The following TNS3 variants were observed in gnomAD, a reference collection of about 807,000 sequenced individuals.
TNS3 encodes tensin 3, also known as tensin-3.
A neutral mutation model predicts 140.9 loss-of-function variants in TNS3; 45 were observed. The ratio of observed to expected loss-of-function variants is 0.32; its 90% CI spans 0.25 to 0.41. TNS3 has a LOEUF of 0.41. Ranked by LOEUF, TNS3 falls within the 10% of genes least tolerant of loss-of-function variation. The probability of loss-of-function intolerance (pLI) is 1.00; values close to 1 mark genes in which losing one functional copy is unlikely to be tolerated. For missense variants in TNS3, 1,716 were observed against 1,906.7 expected (o/e 0.90, Z 1.86); for synonymous variants, 815 against 788.4 (o/e 1.03, Z -0.56).
intron 2 of TNS3, among the ~76,000 whole-genome samples, chr7:47,513,079 T>C (rs976980605): frequency 1.3e-5 from 2 of 152,250 alleles, no homozygotes; most frequent in African/African-American, 4.8e-5. Context: ...AAGTTCTGCC[T>C]AATATCACAG....
chr7:47,294,459 T>G (rs1294519161), intron 24 of TNS3, among the ~76,000 whole-genome samples: 1 of 151,926 alleles, frequency 6.6e-6, no homozygotes, highest in South Asian at 2.1e-4. Context: ...TATCTGAGAG[T>G]GGAAAAGTAC....
intron 10 of TNS3, among the ~76,000 whole-genome samples, chr7:47,417,489 C>CT (rs1217957339): frequency 6.6e-6 from 1 of 152,250 alleles, no homozygotes; most frequent in Non-Finnish European, 1.5e-5. Flanking sequence ...GAGGCTGTCA[C>CT]TGCCTGGGAC....
intron 3 of TNS3, among the ~76,000 whole-genome samples, chr7:47,506,366 T>G (rs1798418158): frequency 6.6e-6 from 1 of 152,110 alleles, no homozygotes; most frequent in Non-Finnish European, 1.5e-5. Context: ...CAACAGGACA[T>G]AGCCAGGCCT....
rs774801067 is a variant in TNS3, at chr7:47,404,937, T to TGGACA, written c.724-4028_724-4024dup. On this transcript the variant is annotated intron_variant, in intron 13 of 30. Transcript: ENST00000311160. ...AATATGCCTGTGCCCTTGACTGGACTGGACAAGTTGCTGGTGACCAGGAAC... is the reference window on the plus strand; with the variant it reads ...AATATGCCTGTGCCCTTGACTGGACTGGACAGGACAAGTTGCTGGTGACCAGGAAC... Among the ~76,000 whole-genome samples the TGGACA allele has an allele frequency of 1.2e-4, 18 of 152,248 alleles. No homozygotes were observed. The East Asian group carries it at 1.9e-3, about 16-fold the overall frequency.
At chr7:47,356,625 G>A (rs889821072) in intron 17 of TNS3, among the ~76,000 whole-genome samples, 1 of 152,224 alleles carries the variant, frequency 6.6e-6, no homozygotes, top group African/African-American at 2.4e-5. Flanking sequence ...TAAGACAGTA[G>A]ACCTTAGGTG....
intron 16 of TNS3, among the ~76,000 whole-genome samples, chr7:47,391,396 T>A (rs1020876804): frequency 6.6e-6 from 1 of 152,186 alleles, no homozygotes; most frequent in African/African-American, 2.4e-5. Context: ...CAAGAAAATA[T>A]GAGATGCGTG....
chr7:47,306,868 C>T lies in TNS3; in HGVS notation c.2651-1865G>A, dbSNP rs192958717. On this transcript the variant is annotated intron_variant, in intron 20 of 30. Coordinates refer to ENST00000311160, the MANE Select transcript of TNS3 (RefSeq NM_022748.12). ...CTGGGATTACAGGTGTGAGCCACCA[C>T]GCGTGGCCTAGAATTTTAAAATATA... is the stretch of plus-strand genomic sequence containing the variant. Among the ~76,000 whole-genome samples the T allele has an allele frequency of 2.3e-3, 345 of 152,338 alleles. 1 individual carries two copies. The highest frequency in any genetic ancestry group is 7.6e-3 in the African/African-American group (314 of 41,582).
chr7:47,471,332 G>C (rs771284347), intron 4 of TNS3, among the ~76,000 whole-genome samples: 1 of 152,186 alleles, frequency 6.6e-6, no homozygotes, highest in Non-Finnish European at 1.5e-5. Context: ...CGGGGCCAAG[G>C]GGCAGGGACC....
At chr7:47,412,946 T>C (rs1225608439) in intron 12 of TNS3, among the ~76,000 whole-genome samples, 1 of 152,170 alleles carries the variant, frequency 6.6e-6, no homozygotes, top group Non-Finnish European at 1.5e-5. Context: ...TGCCAGTTTT[T>C]TTGTTGTTGT....
At chr7:47,555,026 C>CA (rs1002081887) in intron 1 of TNS3, among the ~76,000 whole-genome samples, 108 of 142,730 alleles carry the variant, frequency 7.6e-4, no homozygotes, top group African/African-American at 2.3e-3. Flanking sequence ...GACTCTGTCT[C>CA]AAAAAAAAAA....
At chr7:47,351,932 A>G (rs1789698341) in intron 17 of TNS3, among the ~76,000 whole-genome samples, 2 of 152,006 alleles carry the variant, frequency 1.3e-5, no homozygotes, top group South Asian at 4.2e-4. Flanking sequence ...TCAAACTCTC[A>G]TGTGCTCCCA....
intron 2 of TNS3, among the ~76,000 whole-genome samples, chr7:47,511,878 C>T (rs942015212): frequency 3.3e-5 from 5 of 152,242 alleles, no homozygotes; most frequent in African/African-American, 1.2e-4. Context: ...CTGCACCTCC[C>T]CCTGCAGAAG....
At chr7:47,471,085 C>A (rs541211320) in intron 4 of TNS3, among the ~76,000 whole-genome samples, 1 of 152,108 alleles carries the variant, frequency 6.6e-6, no homozygotes, top group African/African-American at 2.4e-5. Context: ...CTCACTGGGG[C>A]GCAGTTCCCA....
chr7:47,386,200 T>C (rs1792059509), intron 16 of TNS3, among the ~76,000 whole-genome samples: 1 of 152,240 alleles, frequency 6.6e-6, no homozygotes, highest in African/African-American at 2.4e-5. Context: ...GCTCTTGCTA[T>C]GTGGAAGAAA....
chr7:47,577,041 G>C (rs1800691122), intron 1 of TNS3, among the ~76,000 whole-genome samples: 1 of 152,180 alleles, frequency 6.6e-6, no homozygotes, highest in Admixed American at 6.5e-5. Context: ...CTACACACAA[G>C]AGGTGCCACG....
intron 10 of TNS3, among the ~76,000 whole-genome samples, chr7:47,417,761 C>A (rs1009176917): frequency 7.3e-5 from 11 of 150,680 alleles, no homozygotes; most frequent in South Asian, 2.1e-4. Flanking sequence ...ACAACAACAA[C>A]AAAAAAAAAC....
chr7:47,495,781 T>C (rs1797983935), intron 3 of TNS3, among the ~76,000 whole-genome samples: 1 of 152,150 alleles, frequency 6.6e-6, no homozygotes, highest in South Asian at 2.1e-4. Flanking sequence ...GTAGTAGAAA[T>C]TTTAAAAAGA....
intron 16 of TNS3, among the ~76,000 whole-genome samples, chr7:47,388,775 G>A (rs1172329221): frequency 6.6e-6 from 1 of 151,978 alleles, no homozygotes; most frequent in Non-Finnish European, 1.5e-5. Flanking sequence ...CTGAGGCAGG[G>A]ACAACTGCTT....
chr7:47,466,143 G>A (rs939667552), intron 4 of TNS3, among the ~76,000 whole-genome samples: 2 of 151,822 alleles, frequency 1.3e-5, no homozygotes, highest in African/African-American at 4.8e-5. Context: ...TATTCAATAT[G>A]TCACTTCAGT....
Sources: allele counts gnomAD v4.1 joint callset (sites outside exome capture counted in the v4.1 genomes callset), GRCh38; gene constraint gnomAD v4.1.1; transcripts MANE v1.5; gene names NCBI Gene and HGNC (gene_info 2026-07-23, HGNC 2026-07-21).